Variants in BICDL1 observed in about 807,000 individuals in gnomAD.
The protein encoded by BICDL1 is BICD family like cargo adaptor 1, also known as BICD family-like cargo adapter 1.
BICDL1 carries 20 observed loss-of-function variants against 76.8 expected under a neutral mutation model. The observed-to-expected ratio is 0.26, with a 90% CI of 0.18 to 0.38. The LOEUF (loss-of-function observed/expected upper bound fraction) is 0.38. Ranked by LOEUF, BICDL1 falls within the 10% of genes least tolerant of loss-of-function variation. BICDL1 has a pLI of 1.00. For synonymous variants in BICDL1, 383 were observed against 337.1 expected (o/e 1.14, Z -1.49); for missense variants, 700 against 798.6 (o/e 0.88, Z 1.49).
At chr12:120,057,055 G>A in intron 2 of BICDL1, 2 of 519,264 alleles carry the variant, frequency 3.9e-6, no homozygotes, top group Non-Finnish European at 7.7e-6. Context: ...TAGAGGAAGA[G>A]AGCTTCAGGC....
chr12:120,024,236 G>A (rs1001293890), intron 2 of BICDL1, among the ~76,000 whole-genome samples: 5 of 152,066 alleles, frequency 3.3e-5, no homozygotes, highest in Admixed American at 6.6e-5. Context: ...AGCTGAGATC[G>A]CACCACTGCA....
intron 4 of BICDL1, among the ~76,000 whole-genome samples, chr12:120,066,482 T>C (rs1953223915): frequency 6.6e-6 from 1 of 152,160 alleles, no homozygotes; most frequent in Non-Finnish European, 1.5e-5. Flanking sequence ...GCAGGACTAG[T>C]ATGCCTTCAG....
chr12:120,049,166 TG>T (rs1952806290), intron 2 of BICDL1, among the ~76,000 whole-genome samples: 1 of 152,174 alleles, frequency 6.6e-6, no homozygotes, highest in Admixed American at 6.5e-5. Flanking sequence ...CCCTCTGGAA[TG>T]CCAAGGAGCA....
chr12:120,014,731 G>T (rs1952026034), intron 2 of BICDL1, among the ~76,000 whole-genome samples: 1 of 151,728 alleles, frequency 6.6e-6, no homozygotes, highest in East Asian at 1.9e-4. Flanking sequence ...GGGTGTGGTG[G>T]CTTACACCTG....
At position 120,061,804 on chromosome 12, in the gene BICDL1, G is replaced by A. The variant is rs1423445239; in HGVS notation, c.740G>A (p.Arg247Gln). Residue 247 changes from arginine to glutamine, a missense_variant, in exon 3 of 10, where the codon CGG becomes CAG. Around this residue, in one of 3 missense-constraint regions of BICDL1, gnomAD observed 455 missense variants for 548.7 expected, o/e 0.83. Transcript: ENST00000548673. ...TCATCAACCAACCAGCACATTATCC[G>A]GCTGGAGAGCCTTCAGGCCGAGGTG... Reference protein sequence around the residue: ...KNSSTNQHIIRLESLQAEIKM... With the variant: ...KNSSTNQHIIQLESLQAEIKM... The A allele has an allele frequency of 8.1e-6, 13 of 1,613,744 alleles. No homozygotes were observed. The highest frequency in any genetic ancestry group is 4.5e-5 in the East Asian group (2 of 44,898).
intron 2 of BICDL1, among the ~76,000 whole-genome samples, chr12:120,013,880 A>G (rs1167768387): frequency 6.6e-6 from 1 of 152,232 alleles, no homozygotes; most frequent in Non-Finnish European, 1.5e-5. Flanking sequence ...ATTTGACTTT[A>G]GATTTCTAGC....
intron 2 of BICDL1, among the ~76,000 whole-genome samples, chr12:120,052,900 T>C (rs1184297454): frequency 6.6e-6 from 1 of 151,926 alleles, no homozygotes; most frequent in African/African-American, 2.4e-5. Flanking sequence ...GCCTCCTGAG[T>C]AGCTGGGCAC....
intron 9 of BICDL1, chr12:120,091,791 GGGA>G: frequency 1.0e-6 from 1 of 985,400 alleles, no homozygotes; most frequent in African/African-American, 1.7e-5. Context: ...ACCCATGGGT[GGGA>G]GGGAGGAGGA....
Position 120,074,600 on chromosome 12 carries a change from C to A in BICDL1, c.1452+14C>A. ...CTCCACAGTCAGGTGAGCACCCCAA[C>A]CTTCAGTTCAGTGCAGGGCATGTGC... On this transcript the variant is annotated intron_variant, in intron 7 of 9. Transcript: ENST00000548673. The A allele has an allele frequency of 8.3e-7, 1 of 1,199,444 alleles. No individual in the cohort carries two copies. Among genetic ancestry groups the A allele is most frequent in the Non-Finnish European group, 1.1e-6 (1 of 944,402 alleles). 74.3% of individuals were successfully genotyped at this position (1,199,444 alleles called of 1,614,324 possible). A position where few individuals can be genotyped will look rare whatever the true frequency, so the allele number is the denominator to read the frequency against.
chr12:119,990,608 A>G (rs764626460), intron 1 of BICDL1, among the ~76,000 whole-genome samples: 1 of 152,238 alleles, frequency 6.6e-6, no homozygotes, highest in Non-Finnish European at 1.5e-5. Context: ...TGATGTCTGC[A>G]TACAGAGAAA....
intron 2 of BICDL1, among the ~76,000 whole-genome samples, chr12:120,052,502 C>G (rs1326350289): frequency 6.6e-6 from 1 of 152,004 alleles, no homozygotes; most frequent in Non-Finnish European, 1.5e-5. Flanking sequence ...TTCAGTCTTG[C>G]CGAGAATAGC....
At chr12:120,039,245 C>T (rs763397859) in intron 2 of BICDL1, among the ~76,000 whole-genome samples, 14 of 151,990 alleles carry the variant, frequency 9.2e-5, no homozygotes, top group Admixed American at 2.0e-4. Context: ...TGCAGTGAGC[C>T]AAGATAGCGC....
At chr12:120,055,505 T>C (rs952954859) in intron 2 of BICDL1, among the ~76,000 whole-genome samples, 10 of 152,248 alleles carry the variant, frequency 6.6e-5, no homozygotes, top group Non-Finnish European at 2.9e-5. Flanking sequence ...GAACACACTG[T>C]TACTTTGTTT....
In BICDL1 at chr12:120,089,173, G is replaced by A. The variant is rs890198085; in HGVS notation, c.1584-778G>A. On this transcript the variant is annotated intron_variant, in intron 8 of 9. Coordinates refer to ENST00000548673, the MANE Select transcript of BICDL1 (RefSeq NM_001367886.1). ...AGGTTCCTGCCTTCCAGTGGGGAAT[G>A]GGCCATTTTGGGAAAGGATGAGTAG... Among the ~76,000 whole-genome samples, 3 of 152,236 alleles carry A rather than the reference G, an allele frequency of 2.0e-5. No individual in the cohort carries two copies. The South Asian group carries it at 6.2e-4, about 32-fold the overall frequency.
chr12:120,043,456 A>G (rs1952683782), intron 2 of BICDL1, among the ~76,000 whole-genome samples: 1 of 152,248 alleles, frequency 6.6e-6, no homozygotes, highest in Admixed American at 6.5e-5. Context: ...CAGGGAAAAT[A>G]GTCATGGGTT....
intron 2 of BICDL1, among the ~76,000 whole-genome samples, chr12:120,009,762 G>T (rs1483948007): frequency 6.6e-6 from 1 of 152,200 alleles, no homozygotes; most frequent in Admixed American, 6.5e-5. Context: ...TTAGCCCATA[G>T]TTGTGGTTCC....
chr12:119,990,417 C>G (rs912874531), intron 1 of BICDL1, 120 bp downstream of exon 1: 2 of 1,486,924 alleles, frequency 1.3e-6, no homozygotes, highest in Non-Finnish European at 1.8e-6. Context: ...CGCAGAAAAT[C>G]TGGAATGAAT....
rs756350558 is a variant in BICDL1, at chr12:120,072,545, T to G, written c.1124T>G (p.Val375Gly). The G allele has an allele frequency of 6.2e-7, 1 of 1,614,168 alleles. No homozygotes were observed. Reference protein sequence around the residue: ...RLQLWEAYCQVRYLCSHLRGN... With the variant: ...RLQLWEAYCQGRYLCSHLRGN... ...CAGCTCTGGGAAGCCTACTGCCAGG[T>G]TCGCTATCTGTGCTCACACCTTCGA... The change falls in exon 6 of 10, where the codon GTT becomes GGT. Residue 375 changes from valine (V) to glycine (G), a missense_variant. By Grantham distance (109) the Val-to-Gly change is moderately radical (BLOSUM62 -3). Around this residue, in one of 3 missense-constraint regions of BICDL1, gnomAD observed 455 missense variants for 548.7 expected, o/e 0.83. Transcript: ENST00000548673.
intron 7 of BICDL1, among the ~76,000 whole-genome samples, chr12:120,075,925 A>C (rs1250214144): frequency 6.6e-6 from 1 of 152,196 alleles, no homozygotes; most frequent in Non-Finnish European, 1.5e-5. Flanking sequence ...TTGGGAGGCC[A>C]AGGCAGGTGG....
Sources: gnomAD v4.1 joint callset for allele counts (sites outside exome capture counted in the v4.1 genomes callset) on GRCh38, gnomAD v4.1.1 for gene constraint, gnomAD v4.1.1 regional missense constraint, MANE v1.5 for transcripts, NCBI Gene and HGNC (gene_info 2026-07-23, HGNC 2026-07-21) for gene names.